The following DENND4C variants were observed in gnomAD, a reference collection of about 807,000 sequenced individuals.
DENND4C encodes DENN domain containing 4C, also known as DENN domain-containing protein 4C.
In DENND4C, 108 loss-of-function variants were observed where a neutral mutation model predicts 203.0. The observed-to-expected ratio is 0.53, with a 90% CI of 0.46 to 0.62. DENND4C has a LOEUF of 0.62. Among genes scored for constraint, DENND4C ranks in the 20% least tolerant of loss-of-function variants. DENND4C has a pLI of 0.00. For synonymous variants in DENND4C, 871 were observed against 792.4 expected (o/e 1.10, Z -1.67); for missense variants, 2,481 against 2,301.2 (o/e 1.08, Z -1.60).
chr9:19,283,610 C>CTTTTTTT (rs553611899), intron 2 of DENND4C, among the ~76,000 whole-genome samples: 17 of 116,584 alleles, frequency 1.5e-4, no homozygotes, highest in South Asian at 2.9e-4. Context: ...TTTTTTCTTT[C>CTTTTTTT]TTTTTTTTTT....
In DENND4C at chr9:19,287,000, C is replaced by T; in HGVS notation, c.537C>T (p.Asp179=). 1 of 1,232,066 alleles carries T rather than the reference C, an allele frequency of 8.1e-7. No individual in the cohort carries two copies. The highest frequency in any genetic ancestry group is 1.0e-6 in the Non-Finnish European group (1 of 987,936). 76.3% of individuals were successfully genotyped at this position (1,232,066 alleles called of 1,614,324 possible). ...ETPPHTFCKV[D]KNLNCGMWGS... ...CTCCTCATACCTTCTGCAAAGTTGA[C>T]AAAAACTTAAATTGTGGAATGGTAA... The change falls in exon 3 of 33, where the codon GAC becomes GAT. Residue 179 remains aspartate (D), a synonymous_variant. Coordinates refer to ENST00000434457, the MANE Select transcript of DENND4C (RefSeq NM_001330640.2).
chr9:19,342,917 A>G (rs1821968607), intron 22 of DENND4C, 138 bp downstream of exon 22: 3 of 643,384 alleles, frequency 4.7e-6, no homozygotes, highest in Middle Eastern at 9.4e-4. Flanking sequence ...AATTCTCTAA[A>G]TCGGCTAAAG....
At chr9:19,324,588 G>GAGT in intron 13 of DENND4C, 81 bp downstream of exon 13, 1 of 1,427,020 alleles carries the variant, frequency 7.0e-7, no homozygotes, top group East Asian at 2.3e-5. Flanking sequence ...TGTTAGTCTA[G>GAGT]AGTGATATAA....
rs1296686326 is a variant in DENND4C at position 19,335,101 on chromosome 9, ATAAGG to A, written c.2589+1_2589+5del. ...AATGCTATTACTTATGGTTATTATA[ATAAGG>A]TAAGTAGGATCGACATTAGGCAAGA... On this transcript the variant is annotated splice_donor_variant and coding_sequence_variant, in exon 18 of 33. Transcript: ENST00000434457. LOFTEE classifies it high-confidence loss of function. The A allele has an allele frequency of 6.3e-7, 1 of 1,592,950 alleles. No individual in the cohort carries two copies. Among genetic ancestry groups the A allele is most frequent in the Non-Finnish European group, 8.5e-7 (1 of 1,170,402 alleles).
At chr9:19,265,897 AGT>A (rs1416863305) in intron 1 of DENND4C, among the ~76,000 whole-genome samples, 1 of 152,266 alleles carries the variant, frequency 6.6e-6, no homozygotes, top group African/African-American at 2.4e-5. Context: ...TATTGTGAAT[AGT>A]GCCACAGTAA....
In DENND4C at chr9:19,346,795, T is replaced by C; in HGVS notation, c.4026T>C (p.Ser1342=). The C allele has an allele frequency of 6.2e-7, 1 of 1,614,130 alleles. No individual in the cohort carries two copies. The highest frequency in any genetic ancestry group is 8.5e-7 in the Non-Finnish European group (1 of 1,180,022). The part of the protein sequence containing the change: ...HGSPAQENPE[S]EKSSPAVSRS... ...CACCAGCACAGGAAAATCCTGAAAG[T>C]GAAAAGAGCTCACCTGCAGTGTCCA... is the stretch of plus-strand genomic sequence containing the variant. The change falls in exon 23 of 33, where the codon AGT becomes AGC. Residue 1342 remains serine, a synonymous_variant. Coordinates refer to ENST00000434457, the MANE Select transcript of DENND4C (RefSeq NM_001330640.2).
At position 19,356,998 on chromosome 9, in the gene DENND4C, G is replaced by T; in HGVS notation, c.4808G>T (p.Gly1603Val). 1.9e-6 allele frequency: 3 copies of T among 1,613,674 alleles called. No individual in the cohort carries two copies. Among genetic ancestry groups the T allele is most frequent in the Middle Eastern group, 1.7e-4 (1 of 6,058 alleles). ...ASFFLKPSTS[G>V]DSLQSGSIPL... is the part of the protein sequence containing the mutation. Reference sequence around the variant, plus strand: ...TTTTTCCTGAAACCAAGTACCTCTGGTGACAGTTTACAAAGTGGAAGCATT... The same window carrying T: ...TTTTTCCTGAAACCAAGTACCTCTGTTGACAGTTTACAAAGTGGAAGCATT... The change falls in exon 27 of 33, where the codon GGT becomes GTT. Residue 1603 changes from glycine to valine, a missense_variant. Around this residue, in one of 3 missense-constraint regions of DENND4C, gnomAD observed 2,289 missense variants for 2,113.3 expected, o/e 1.08. Coordinates refer to ENST00000434457, the MANE Select transcript of DENND4C (RefSeq NM_001330640.2).
At position 19,232,624 on chromosome 9, in the gene DENND4C, A is replaced by G. The variant is rs1033837882; in HGVS notation, c.-18+1791A>G. Among the ~76,000 whole-genome samples the G allele has an allele frequency of 2.1e-4, 32 of 152,228 alleles. 1 individual carries two copies. The highest frequency in any genetic ancestry group is 1.9e-3 in the Admixed American group (29 of 15,282). On this transcript the variant is annotated intron_variant, in intron 1 of 32. Transcript: ENST00000434457. ...GAGTAAATACAGTATTTTGTAGTAT[A>G]AACTTAAGCTTTTAGCTGAAGAAAT...
At chr9:19,250,415 T>G (rs941014783) in intron 1 of DENND4C, among the ~76,000 whole-genome samples, 5 of 151,960 alleles carry the variant, frequency 3.3e-5, no homozygotes, top group Non-Finnish European at 5.9e-5. Context: ...TTTGTAGAAA[T>G]GGGGTTTCGC....
intron 1 of DENND4C, among the ~76,000 whole-genome samples, chr9:19,241,152 C>G (rs1199621444): frequency 6.6e-6 from 1 of 152,150 alleles, no homozygotes; most frequent in East Asian, 1.9e-4. Context: ...TTACTGTGCC[C>G]TACTGTACAC....
At chr9:19,300,134 A>G (rs757376799) in intron 8 of DENND4C, 53 bp from the exon 9 acceptor site, 3 of 1,506,796 alleles carry the variant, frequency 2.0e-6, no homozygotes, top group Admixed American at 1.8e-5. Context: ...AAATCTTAAC[A>G]TATTTCAGCA....
At chr9:19,301,762 C>T (rs1838627637) in intron 9 of DENND4C, among the ~76,000 whole-genome samples, 1 of 152,132 alleles carries the variant, frequency 6.6e-6, no homozygotes, top group African/African-American at 2.4e-5. Context: ...CATGGTGAAA[C>T]TCCATTTCTA....
At chr9:19,270,192 T>C (rs1448979169) in intron 1 of DENND4C, among the ~76,000 whole-genome samples, 4 of 152,152 alleles carry the variant, frequency 2.6e-5, no homozygotes, top group African/African-American at 9.7e-5. Flanking sequence ...CCACCACCAC[T>C]GGGACTGTGC....
intron 1 of DENND4C, among the ~76,000 whole-genome samples, chr9:19,263,077 T>G (rs1829751961): frequency 6.6e-6 from 1 of 152,218 alleles, no homozygotes; most frequent in African/African-American, 2.4e-5. Flanking sequence ...ATGGGTCTGT[T>G]GTATATAGCT....
chr9:19,245,469 A>AAAG (rs1265084047), intron 1 of DENND4C, among the ~76,000 whole-genome samples: 3 of 150,928 alleles, frequency 2.0e-5, no homozygotes, highest in Admixed American at 1.3e-4. Flanking sequence ...TCAGTCTCAA[A>AAAG]AAAAAAAAAA....
intron 30 of DENND4C, among the ~76,000 whole-genome samples, chr9:19,362,264 AT>A (rs1290872929): frequency 6.6e-6 from 1 of 152,144 alleles, no homozygotes; most frequent in Non-Finnish European, 1.5e-5. Context: ...TCAGAGCAAG[AT>A]TGTATCTCAA....
In DENND4C at chr9:19,340,011, C is replaced by G. The variant is rs569171932; in HGVS notation, c.2882-981C>G. Reference sequence around the variant, plus strand: ...AGTTTTTATGTCCTTTAGATATTCTCCTATTATGTTTCTGAGCACTACCTT... The same window carrying G: ...AGTTTTTATGTCCTTTAGATATTCTGCTATTATGTTTCTGAGCACTACCTT... On this transcript the variant is annotated intron_variant, in intron 20 of 32. Transcript: ENST00000434457. Among the ~76,000 whole-genome samples the G allele has an allele frequency of 5.9e-5, 9 of 152,192 alleles. No individual in the cohort carries two copies. The East Asian group carries it at 1.5e-3, about 26-fold the overall frequency.
At chr9:19,264,310 T>C (rs1830036549) in intron 1 of DENND4C, among the ~76,000 whole-genome samples, 1 of 152,156 alleles carries the variant, frequency 6.6e-6, no homozygotes, top group South Asian at 2.1e-4. Context: ...AGTTCCTTTT[T>C]TTTTTTTGAG....
intron 9 of DENND4C, among the ~76,000 whole-genome samples, chr9:19,304,462 A>ATTCACATC (rs796845605): frequency 4.9e-4 from 74 of 151,126 alleles, no homozygotes; most frequent in African/African-American, 1.7e-3. Context: ...GGGATTATAG[A>ATTCACATC]TGTGAGCCAC....
Sources: gnomAD v4.1 joint callset for allele counts (sites outside exome capture counted in the v4.1 genomes callset) on GRCh38, gnomAD v4.1.1 for gene constraint, gnomAD v4.1.1 regional missense constraint, MANE v1.5 for transcripts, NCBI Gene and HGNC (gene_info 2026-07-23, HGNC 2026-07-21) for gene names.